Variants in RP1L1 observed in about 807,000 individuals in gnomAD.
RP1L1 encodes the protein retinitis pigmentosa 1-like 1 protein.
A neutral mutation model predicts 15.7 loss-of-function variants in RP1L1; 27 were observed. That is an observed-to-expected ratio of 1.72 (90% CI 1.27 to 2.38). The LOEUF (loss-of-function observed/expected upper bound fraction) is 2.38, where lower values mean the gene tolerates loss of function less well. Among genes scored for constraint, RP1L1 ranks in the 30% most tolerant of loss-of-function variants. The pLI is 0.00. For missense variants in RP1L1, 4,798 were observed against 3,075.9 expected (o/e 1.56, Z -13.24); for synonymous variants, 1,813 against 1,276.7 (o/e 1.42, Z -8.96).
chr8:10,652,738 C>CCG (rs1798581008), intron 1 of RP1L1, among the ~76,000 whole-genome samples: 1 of 152,124 alleles, frequency 6.6e-6, no homozygotes, highest in Admixed American at 6.5e-5. Flanking sequence ...CTGAGGCTGG[C>CCG]CGGCTCTCCA....
intron 1 of RP1L1, among the ~76,000 whole-genome samples, chr8:10,634,677 C>T (rs1798302750): frequency 6.6e-6 from 1 of 152,208 alleles, no homozygotes; most frequent in South Asian, 2.1e-4. Context: ...GAGCCATCCC[C>T]AGGAATGAGT....
intron 2 of RP1L1, among the ~76,000 whole-genome samples, chr8:10,618,249 C>G (rs912118534): frequency 5.9e-5 from 9 of 152,134 alleles, no homozygotes; most frequent in Admixed American, 5.9e-4. Flanking sequence ...CCTGTAATCT[C>G]AGCACTTTGG....
intron 1 of RP1L1, among the ~76,000 whole-genome samples, chr8:10,639,459 A>G (rs1798377695): frequency 6.6e-6 from 1 of 152,122 alleles, no homozygotes; most frequent in Admixed American, 6.6e-5. Flanking sequence ...TGCAGCCTCA[A>G]ACTCCTGGGC....
rs2117204060 is a variant in RP1L1 at position 10,612,076 on chromosome 8, G to C, written c.2022C>G (p.Thr674=). The C allele has an allele frequency of 1.9e-6, 3 of 1,613,868 alleles. No homozygotes were observed. The highest frequency in any genetic ancestry group is 2.5e-6 in the Non-Finnish European group (3 of 1,180,030). Residue 674 remains threonine, a synonymous_variant, in exon 4 of 4, where the codon ACC becomes ACG. Transcript: ENST00000382483. ...TTACAGAGGAGTCCAGTGGGCTGTG[G>C]GTGTCCTTGCGGTAGTGAGAATGCC... is the stretch of plus-strand genomic sequence containing the variant. ...HPRHSHYRKD[T]HSPLDSSVTK...
chr8:10,640,461 A>T (rs1401309990), intron 1 of RP1L1, among the ~76,000 whole-genome samples: 1 of 152,096 alleles, frequency 6.6e-6, no homozygotes, highest in African/African-American at 2.4e-5. Flanking sequence ...AGAGTTTAAG[A>T]CAAGCCTGGC....
intron 1 of RP1L1, among the ~76,000 whole-genome samples, chr8:10,631,362 A>G (rs13251363): frequency 2.2e-5 from 1 of 46,110 alleles, no homozygotes; most frequent in African/African-American, 7.7e-5. Context: ...CATGCACACA[A>G]ACACACATGC....
intron 2 of RP1L1, among the ~76,000 whole-genome samples, 153 bp downstream of exon 2, chr8:10,622,440 A>G (rs1798075241): frequency 6.6e-6 from 1 of 152,020 alleles, no homozygotes; most frequent in African/African-American, 2.4e-5. Context: ...TGATTTATTG[A>G]CTTGACTGAG....
chr8:10,614,197 T>C (rs1797927570), intron 3 of RP1L1, among the ~76,000 whole-genome samples: 1 of 152,146 alleles, frequency 6.6e-6, no homozygotes, highest in Non-Finnish European at 1.5e-5. Flanking sequence ...TGTTATATTC[T>C]CTGTGATTAT....
chr8:10,633,881 C>T (rs149759560), intron 1 of RP1L1, among the ~76,000 whole-genome samples: 1 of 152,268 alleles, frequency 6.6e-6, no homozygotes, highest in East Asian at 1.9e-4. Flanking sequence ...TTTCAGCCTC[C>T]CTGAAGTTTT....
At chr8:10,647,825 AC>A (rs1251790888) in intron 1 of RP1L1, among the ~76,000 whole-genome samples, 5 of 152,208 alleles carry the variant, frequency 3.3e-5, no homozygotes, top group Non-Finnish European at 7.3e-5. Context: ...GCTTTTCAAG[AC>A]CCTGTTTTCA....
At chr8:10,643,267 G>T (rs917986512) in intron 1 of RP1L1, among the ~76,000 whole-genome samples, 1 of 152,320 alleles carries the variant, frequency 6.6e-6, no homozygotes, top group Non-Finnish European at 1.5e-5. Flanking sequence ...TTGAGCCTGG[G>T]AGGTGGAGGC....
At chr8:10,633,093 C>T (rs1338240335) in intron 1 of RP1L1, among the ~76,000 whole-genome samples, 2 of 152,174 alleles carry the variant, frequency 1.3e-5, no homozygotes, top group Non-Finnish European at 2.9e-5. Context: ...AGCACGGCGA[C>T]GTTCCCAGGA....
In RP1L1 at chr8:10,609,357, C is replaced by A; in HGVS notation, c.4741G>T (p.Gly1581Cys). The change falls in exon 4 of 4, where the codon GGC becomes TGC. Residue 1581 changes from glycine to cysteine, a missense_variant. By Grantham distance (159) the Gly-to-Cys change is radical (BLOSUM62 -3). Coordinates refer to ENST00000382483, the MANE Select transcript of RP1L1 (RefSeq NM_178857.6). ...TCCAGCACCATCCTACCCGCCCGGC[C>A]CTGGAGCTTCTGGAGCTCTCTCTTG... ...STKRELQKLQ[G>C]RAGRMVLEPP... 7 of 1,612,504 alleles carry A rather than the reference C, an allele frequency of 4.3e-6. No individual in the cohort carries two copies. The highest frequency in any genetic ancestry group is 5.9e-6 in the Non-Finnish European group (7 of 1,179,930).
At chr8:10,638,597 T>C (rs1798363853) in intron 1 of RP1L1, among the ~76,000 whole-genome samples, 1 of 151,616 alleles carries the variant, frequency 6.6e-6, no homozygotes. Context: ...ATAAAATATA[T>C]AAAAAATTTA....
chr8:10,626,000 G>A (rs1334960632), intron 1 of RP1L1, among the ~76,000 whole-genome samples: 2 of 152,080 alleles, frequency 1.3e-5, no homozygotes, highest in Non-Finnish European at 2.9e-5. Context: ...CCAGCTGTGT[G>A]TGGGAGGGGG....
At chr8:10,625,202 C>G (rs1293185905) in intron 1 of RP1L1, among the ~76,000 whole-genome samples, 1 of 152,156 alleles carries the variant, frequency 6.6e-6, no homozygotes, top group Admixed American at 6.5e-5. Context: ...GACCTCTTAA[C>G]AAAACATGCT....
chr8:10,638,952 C>G (rs564566814), intron 1 of RP1L1, among the ~76,000 whole-genome samples: 1 of 152,066 alleles, frequency 6.6e-6, no homozygotes, highest in African/African-American at 2.4e-5. Flanking sequence ...CGAGACCAGC[C>G]TGGCCAACAC....
chr8:10,616,172 C>T (rs142442064), intron 3 of RP1L1, among the ~76,000 whole-genome samples: 2 of 152,062 alleles, frequency 1.3e-5, no homozygotes, highest in Non-Finnish European at 2.9e-5. Context: ...GGCCCCCAAA[C>T]GGCTGGAATT....
chr8:10,611,571 G>A lies in RP1L1; in HGVS notation c.2527C>T (p.Pro843Ser), dbSNP rs1343695831. The A allele has an allele frequency of 1.9e-6, 3 of 1,607,052 alleles. No individual in the cohort carries two copies. Among genetic ancestry groups the A allele is most frequent in the African/African-American group, 1.3e-5 (1 of 74,880 alleles). The stretch of plus-strand genomic sequence containing the variant: ...CTGCCACACAGCCAGCTAGCCTCAG[G>A]GGAGGGTCCCCGCTGGGCCTCTTGG... ...PAQEAQRGPS[P>S]EASWLCGRYC... Residue 843 changes from proline (P) to serine (S), a missense_variant, in exon 4 of 4, where the codon CCT (proline) becomes TCT (serine). Transcript: ENST00000382483.
Sources: allele counts gnomAD v4.1 joint callset (sites outside exome capture counted in the v4.1 genomes callset), GRCh38; gene constraint gnomAD v4.1.1; transcripts MANE v1.5; gene names NCBI Gene and HGNC (gene_info 2026-07-23, HGNC 2026-07-21).